The following FANK1 variants were observed in gnomAD, a reference collection of about 807,000 sequenced individuals.
The protein encoded by FANK1 is fibronectin type III and ankyrin repeat domains 1.
Under a neutral mutation model 45.3 loss-of-function variants are expected in FANK1, and 44 were observed. That is an observed-to-expected ratio of 0.97 (90% confidence interval 0.76 to 1.25). The LOEUF (loss-of-function observed/expected upper bound fraction) is 1.25, where lower values mean the gene tolerates loss of function less well. FANK1 is among the 50% of genes most tolerant of loss of function. The pLI is 0.00. For synonymous variants in FANK1, 149 were observed against 152.5 expected, an observed-to-expected ratio of 0.98 and a Z score of 0.17; for missense variants, 391 against 424.4, an observed-to-expected ratio of 0.92 and a Z score of 0.69.
chr10:125,979,917 T>C, intron 1 of FANK1: 1 of 613,802 alleles, frequency 1.6e-6, no homozygotes, highest in Non-Finnish European at 3.0e-6. Flanking sequence ...TCAGTGGGGG[T>C]GGTATGATAT....
chr10:125,917,367 A>G (rs1484481241), intron 1 of FANK1, among the ~76,000 whole-genome samples: 2 of 152,176 alleles, frequency 1.3e-5, no homozygotes, highest in African/African-American at 2.4e-5. Flanking sequence ...TGGTTCTGCT[A>G]TTGCCCAGTG....
At chr10:125,924,440 G>A (rs1447499869) in intron 1 of FANK1, among the ~76,000 whole-genome samples, 2 of 151,698 alleles carry the variant, frequency 1.3e-5, no homozygotes, top group Non-Finnish European at 2.9e-5. Context: ...TTTTAGTAGA[G>A]ATGGGGTTTT....
intron 1 of FANK1, among the ~76,000 whole-genome samples, chr10:125,937,738 A>G (rs1589940701): frequency 6.6e-6 from 1 of 152,202 alleles, no homozygotes; most frequent in Admixed American, 6.5e-5. Context: ...TATTTATAGT[A>G]TATAGGTTTT....
At chr10:126,008,305 C>T in intron 7 of FANK1, 102 bp from the exon 8 acceptor site, 2 of 1,427,496 alleles carry the variant, frequency 1.4e-6, no homozygotes, top group South Asian at 1.6e-5. Context: ...AGACGGCTAT[C>T]TAAGTCCGGG....
Position 126,009,093 on chromosome 10 carries a change from C to T in FANK1, c.889C>T (p.Leu297Phe), listed in dbSNP as rs1287581724. The T allele has an allele frequency of 5.0e-6, 8 of 1,614,072 alleles. No homozygotes were observed. The highest frequency in any genetic ancestry group is 6.8e-6 in the Non-Finnish European group (8 of 1,180,044). Residue 297 changes from leucine to phenylalanine, a missense_variant, in exon 9 of 11, where the codon CTT (leucine) becomes TTT (phenylalanine). By Grantham distance (22) the Leu-to-Phe change is conservative. Coordinates refer to ENST00000368693, the MANE Select transcript of FANK1 (RefSeq NM_145235.5). ...TAATCATGAAGAGTTAGTTCAGTTA[C>T]TTCTTGACAAAGGGGCAGATGCAAG... Reference protein sequence around the residue: ...LNNHEELVQLLLDKGADASVK... With the variant: ...LNNHEELVQLFLDKGADASVK...
rs140872451 is a variant in FANK1, at chr10:125,988,656, C to A, written c.297C>A (p.Leu99=). The change falls in exon 3 of 11, where the codon CTC becomes CTA. Residue 99 remains leucine, a synonymous_variant. Transcript: ENST00000368693. ...CTGGGGAGTGTGAGTACAGCCCACTCGTCTCAGTGTCTACAACCAGTGAGT... is the reference window on the plus strand; with the variant it reads ...CTGGGGAGTGTGAGTACAGCCCACTAGTCTCAGTGTCTACAACCAGTGAGT... ...SPSGECEYSP[L]VSVSTTREPI... 4.3e-4 allele frequency: 692 copies of A among 1,614,192 alleles called. 3 individuals are homozygous for A. In the African/African-American group the frequency reaches 8.0e-3, roughly 19 times the overall value.
intron 7 of FANK1, among the ~76,000 whole-genome samples, chr10:126,006,471 C>T (rs899582260): frequency 6.6e-6 from 1 of 152,192 alleles, no homozygotes; most frequent in African/African-American, 2.4e-5. Context: ...GTGACAGCCA[C>T]ACACTCCTTG....
chr10:125,982,675 C>T (rs1350965363), intron 2 of FANK1, among the ~76,000 whole-genome samples: 1 of 152,162 alleles, frequency 6.6e-6, no homozygotes, highest in African/African-American at 2.4e-5. Flanking sequence ...GTTTCTGTTC[C>T]CATCAGTCAT....
At chr10:125,977,416 T>C (rs1454858555) in intron 1 of FANK1, among the ~76,000 whole-genome samples, 3 of 152,182 alleles carry the variant, frequency 2.0e-5, no homozygotes, top group Non-Finnish European at 4.4e-5. Context: ...CTTAGGTGAA[T>C]TGGTCAGTTG....
intron 1 of FANK1, among the ~76,000 whole-genome samples, chr10:125,914,037 C>A (rs1038087213): frequency 9.2e-5 from 14 of 152,050 alleles, no homozygotes; most frequent in Non-Finnish European, 1.3e-4. Context: ...TCATGGGAAT[C>A]TCTCTCTACC....
chr10:125,900,064 C>T (rs1396897342), intron 1 of FANK1, among the ~76,000 whole-genome samples: 1 of 152,274 alleles, frequency 6.6e-6, no homozygotes, highest in Non-Finnish European at 1.5e-5. Context: ...ATAAACTCTT[C>T]AGACCCCACA....
chr10:125,959,265 G>A (rs948105653), intron 1 of FANK1, among the ~76,000 whole-genome samples: 13 of 151,650 alleles, frequency 8.6e-5, no homozygotes, highest in African/African-American at 2.9e-4. Context: ...AAATTAGCTG[G>A]GCGTTGTGGC....
intron 1 of FANK1, among the ~76,000 whole-genome samples, chr10:125,952,521 A>T (rs959263659): frequency 2.0e-5 from 3 of 152,128 alleles, no homozygotes; most frequent in East Asian, 3.9e-4. Flanking sequence ...CCAAACCAGG[A>T]TCACCCTTGT....
At chr10:125,944,340 C>G (rs1327125128) in intron 1 of FANK1, among the ~76,000 whole-genome samples, 1 of 152,168 alleles carries the variant, frequency 6.6e-6, no homozygotes, top group Non-Finnish European at 1.5e-5. Flanking sequence ...GTCCTTCTAC[C>G]TTTATAGTTT....
intron 1 of FANK1, chr10:125,979,862 A>G (rs11244745): frequency 0.4 from 205,619 of 513,546 alleles, 42,328 homozygotes; most frequent in South Asian, 0.46. Context: ...AGCAGGTCAA[A>G]TACAACCTTA....
Position 126,005,081 on chromosome 10 carries a change from A to G in FANK1, c.705+32A>G, listed in dbSNP as rs746900620. On this transcript the variant is annotated intron_variant, in intron 7 of 10. Coordinates refer to ENST00000368693, the MANE Select transcript of FANK1 (RefSeq NM_145235.5). Reference sequence around the variant, plus strand: ...GACCTGCCTTGTTAACCACGCACATATCGTTAAGAATCTGAAATGCTGCTC... The same window carrying G: ...GACCTGCCTTGTTAACCACGCACATGTCGTTAAGAATCTGAAATGCTGCTC... 2.5e-6 allele frequency: 4 copies of G among 1,581,020 alleles called. No homozygotes were observed. In the East Asian group the frequency reaches 9.1e-5, roughly 36 times the overall value.
chr10:125,921,849 T>G (rs1325768830), intron 1 of FANK1, among the ~76,000 whole-genome samples: 1 of 152,230 alleles, frequency 6.6e-6, no homozygotes. Context: ...CTTCTTCCTT[T>G]GTCAGTCTGC....
At chr10:125,986,349 A>G (rs569190202) in intron 2 of FANK1, among the ~76,000 whole-genome samples, 1 of 152,320 alleles carries the variant, frequency 6.6e-6, no homozygotes, top group South Asian at 2.1e-4. Flanking sequence ...ATGCAAAAAC[A>G]GGATCATTGA....
At chr10:125,964,770 A>G (rs888841030) in intron 1 of FANK1, among the ~76,000 whole-genome samples, 9 of 152,206 alleles carry the variant, frequency 5.9e-5, no homozygotes, top group African/African-American at 2.2e-4. Context: ...ATGATAGAGA[A>G]TGCACAACCT....
Sources: gnomAD v4.1 joint callset for allele counts (sites outside exome capture counted in the v4.1 genomes callset) on GRCh38, gnomAD v4.1.1 for gene constraint, MANE v1.5 for transcripts, NCBI Gene and HGNC (gene_info 2026-07-23, HGNC 2026-07-21) for gene names.